Variants in CAPRIN1 observed in about 807,000 individuals in gnomAD.
CAPRIN1 encodes the protein caprin-1.
CAPRIN1 carries 29 observed loss-of-function variants against 100.9 expected under a neutral mutation model. The observed-to-expected ratio is 0.29, with a 90% CI of 0.21 to 0.39. The LOEUF (loss-of-function observed/expected upper bound fraction) is 0.39, where lower values mean the gene tolerates loss of function less well. Ranked by LOEUF, CAPRIN1 falls within the 10% of genes least tolerant of loss-of-function variation. The pLI, the probability that CAPRIN1 is intolerant of heterozygous loss-of-function variation, is 1.00. For missense variants in CAPRIN1, 795 were observed against 876.7 expected, an observed-to-expected ratio of 0.91 and a Z score of 1.18; for synonymous variants, 338 against 307.5, an observed-to-expected ratio of 1.10 and a Z score of -1.04.
chr11:34,087,420 G>A (rs930406556), intron 11 of CAPRIN1, among the ~76,000 whole-genome samples: 2 of 106,992 alleles, frequency 1.9e-5, no homozygotes, highest in Non-Finnish European at 3.7e-5. Context: ...TGCAAGCTCC[G>A]CCTCCCGGGT....
chr11:34,077,337 A>G (rs543015178), intron 6 of CAPRIN1, among the ~76,000 whole-genome samples: 6 of 152,350 alleles, frequency 3.9e-5, no homozygotes, highest in South Asian at 2.1e-4. Flanking sequence ...TTGTGAAACA[A>G]TTATTGCATT....
intron 2 of CAPRIN1, 154 bp downstream of exon 2, chr11:34,052,790 T>A: frequency 6.9e-7 from 1 of 1,439,776 alleles, no homozygotes; most frequent in Non-Finnish European, 9.2e-7. Context: ...GTCTCCACGT[T>A]CAGCGGGAGC....
At chr11:34,085,582 T>TC (rs1273187737) in intron 9 of CAPRIN1, among the ~76,000 whole-genome samples, 1 of 152,024 alleles carries the variant, frequency 6.6e-6, no homozygotes, top group African/African-American at 2.4e-5. Context: ...GGCGGGTGGG[T>TC]CACAAGGTCA....
chr11:34,072,375 T>G (rs531463022), intron 4 of CAPRIN1, among the ~76,000 whole-genome samples: 1 of 152,242 alleles, frequency 6.6e-6, no homozygotes, highest in African/African-American at 2.4e-5. Context: ...GTTTGAGATT[T>G]GACAACCATG....
In CAPRIN1 at chr11:34,057,731, A is replaced by G. The variant is rs376486916; in HGVS notation, c.216+5095A>G. On this transcript the variant is annotated intron_variant, in intron 2 of 18. Transcript: ENST00000341394. ...GGATTTTTAATTTTTATTTATTATC[A>G]TTATTTGAGACAGTTTTGCTCTCGT... Among the ~76,000 whole-genome samples the G allele has an allele frequency of 5.9e-5, 9 of 152,110 alleles. No individual in the cohort carries two copies. The East Asian group carries it at 1.2e-3, about 20-fold the overall frequency.
At chr11:34,052,343 G>A (rs1359574261) in intron 1 of CAPRIN1, 78 bp from the exon 2 acceptor site, 2 of 1,184,208 alleles carry the variant, frequency 1.7e-6, no homozygotes, top group Non-Finnish European at 2.4e-6. Context: ...TTTGTCCCGC[G>A]TCTCGCCCCG....
chr11:34,060,906 T>C (rs1354982933), intron 2 of CAPRIN1, among the ~76,000 whole-genome samples: 1 of 152,238 alleles, frequency 6.6e-6, no homozygotes, highest in Admixed American at 6.5e-5. Flanking sequence ...AGATGCCCTT[T>C]AAGATTATTT....
At chr11:34,096,390 A>T in intron 15 of CAPRIN1, 89 bp from the exon 16 acceptor site, 1 of 894,542 alleles carries the variant, frequency 1.1e-6, no homozygotes. Flanking sequence ...AGGAGACTGT[A>T]TAAGACACTT....
At chr11:34,099,136 GA>G (rs779844773) in intron 18 of CAPRIN1, 166 bp from the exon 19 acceptor site, 3 of 1,440,708 alleles carry the variant, frequency 2.1e-6, no homozygotes, top group East Asian at 2.5e-5. Context: ...ATTTGCGCAT[GA>G]CAACTTCCAG....
chr11:34,065,369 G>A (rs926789930), intron 2 of CAPRIN1, among the ~76,000 whole-genome samples: 3 of 152,272 alleles, frequency 2.0e-5, no homozygotes, highest in Non-Finnish European at 4.4e-5. Context: ...GTATTTGAAC[G>A]AGATGAGTGT....
At position 34,072,437 on chromosome 11, in the gene CAPRIN1, T is replaced by C. The variant is rs1256775914; in HGVS notation, c.366+450T>C. Among the ~76,000 whole-genome samples, 3 of 152,276 alleles carry C rather than the reference T, an allele frequency of 2.0e-5. No individual in the cohort carries two copies. In the East Asian group the frequency reaches 5.8e-4, roughly 29 times the overall value. On this transcript the variant is annotated intron_variant, in intron 4 of 18. Coordinates refer to ENST00000341394, the MANE Select transcript of CAPRIN1 (RefSeq NM_005898.5). ...TGGTTTAAAATGTTAGCTCTGCAAA[T>C]ACATAAAAATCAGATAGTCATTAGA... is the stretch of plus-strand genomic sequence containing the variant.
chr11:34,091,926 A>C lies in CAPRIN1; in HGVS notation c.1575A>C (p.Pro525=), dbSNP rs746717172. ...SMQTVFNMNA[P]VPPVNEPETL... ...AACAGGTGTTCAATATGAATGCCCCAGTTCCTCCTGTTAATGAACCAGAAA... is the reference window on the plus strand; with the variant it reads ...AACAGGTGTTCAATATGAATGCCCCCGTTCCTCCTGTTAATGAACCAGAAA... The change falls in exon 15 of 19, where the codon CCA becomes CCC. Residue 525 remains proline, a synonymous_variant. Coordinates refer to ENST00000341394, the MANE Select transcript of CAPRIN1 (RefSeq NM_005898.5). 6.2e-7 allele frequency: 1 copy of C among 1,613,594 alleles called. No individual in the cohort carries two copies. Among genetic ancestry groups the C allele is most frequent in the Non-Finnish European group, 8.5e-7 (1 of 1,179,786 alleles).
chr11:34,058,571 CTGAA>C (rs1180207424), intron 2 of CAPRIN1, among the ~76,000 whole-genome samples: 1 of 152,200 alleles, frequency 6.6e-6, no homozygotes, highest in Non-Finnish European at 1.5e-5. Flanking sequence ...TTTTAAAAAA[CTGAA>C]TGCAAAAGAA....
rs1851431960 is a variant in CAPRIN1, at chr11:34,100,132, T to A, written c.*765T>A. The A allele has an allele frequency of 6.6e-6, 1 of 152,594 alleles. No individual in the cohort carries two copies. Among genetic ancestry groups the A allele is most frequent in the Non-Finnish European group, 1.5e-5 (1 of 68,046 alleles). The allele number at this position is 152,594 out of a possible 1,614,324, so 9.5% of individuals were successfully genotyped here. ...TTAATGTGAAATATTTAGATACCTT[T>A]TTGAACACTTAACAGTTTCTTTGAG... On this transcript the variant is annotated 3_prime_UTR_variant, in exon 19 of 19. Coordinates refer to ENST00000341394, the MANE Select transcript of CAPRIN1 (RefSeq NM_005898.5).
At chr11:34,092,762 T>A (rs1284084767) in intron 15 of CAPRIN1, among the ~76,000 whole-genome samples, 1 of 152,216 alleles carries the variant, frequency 6.6e-6, no homozygotes, top group Non-Finnish European at 1.5e-5. Context: ...GTGGCTGCAT[T>A]TCGTGGACTG....
chr11:34,072,408 T>G (rs1850820579), intron 4 of CAPRIN1, among the ~76,000 whole-genome samples: 1 of 152,166 alleles, frequency 6.6e-6, no homozygotes, highest in African/African-American at 2.4e-5. Context: ...GCTAAAGGTC[T>G]CATTGGTTTA....
Position 34,100,123 on chromosome 11 carries a change from A to T in CAPRIN1, c.*756A>T, listed in dbSNP as rs913815328. On this transcript the variant is annotated 3_prime_UTR_variant, in exon 19 of 19. Transcript: ENST00000341394. Reference sequence around the variant, plus strand: ...CTTCTGTACTTAATGTGAAATATTTAGATACCTTTTTGAACACTTAACAGT... The same window carrying T: ...CTTCTGTACTTAATGTGAAATATTTTGATACCTTTTTGAACACTTAACAGT... The T allele has an allele frequency of 3.3e-5, 5 of 152,612 alleles. No homozygotes were observed. Among genetic ancestry groups the T allele is most frequent in the African/African-American group, 1.2e-4 (5 of 41,464 alleles). The allele number at this position is 152,612 out of a possible 1,614,324, so 9.5% of individuals were successfully genotyped here.
In CAPRIN1 at chr11:34,064,039, A is replaced by G. The variant is rs986059346; in HGVS notation, c.217-7687A>G. Among the ~76,000 whole-genome samples, 10 of 152,268 alleles carry G rather than the reference A, an allele frequency of 6.6e-5. No homozygotes were observed. In the South Asian group the frequency reaches 2.1e-3, roughly 32 times the overall value. On this transcript the variant is annotated intron_variant, in intron 2 of 18. Coordinates refer to ENST00000341394, the MANE Select transcript of CAPRIN1 (RefSeq NM_005898.5). ...TGTCTCGGCCTCCCAGAGTGCTGGG[A>G]TTACAGGTGTGAGCCACCGCGCCTG...
intron 7 of CAPRIN1, among the ~76,000 whole-genome samples, chr11:34,080,381 A>G (rs868609195): frequency 6.6e-6 from 1 of 152,210 alleles, no homozygotes; most frequent in African/African-American, 2.4e-5. Context: ...GGTGAGGGCC[A>G]GCTGTTACAA....
Sources: allele counts gnomAD v4.1 joint callset (sites outside exome capture counted in the v4.1 genomes callset), GRCh38; gene constraint gnomAD v4.1.1; transcripts MANE v1.5; gene names NCBI Gene and HGNC (gene_info 2026-07-23, HGNC 2026-07-21).